The following ADAM12 variants were observed in gnomAD, a reference collection of about 807,000 sequenced individuals.
ADAM12 encodes the protein ADAM metallopeptidase domain 12, also known as disintegrin and metalloproteinase domain-containing protein 12.
In ADAM12, 70 loss-of-function variants were observed where a neutral mutation model predicts 106.4. The observed-to-expected ratio is 0.66, with a 90% CI of 0.54 to 0.80. The LOEUF (loss-of-function observed/expected upper bound fraction) is 0.80, where lower values mean the gene tolerates loss of function less well. Ranked by LOEUF, ADAM12 falls within the 30% of genes least tolerant of loss-of-function variation. The probability of loss-of-function intolerance (pLI) is 0.00; values close to 1 mark genes in which losing one functional copy is unlikely to be tolerated. For missense variants in ADAM12, 1,010 were observed against 1,171.9 expected (o/e 0.86, Z 2.02); for synonymous variants, 420 against 433.5 (o/e 0.97, Z 0.39).
chr10:126,252,877 C>G lies in ADAM12; in HGVS notation c.260+26038G>C, dbSNP rs1329279115. Among the ~76,000 whole-genome samples, 3 of 152,184 alleles carry G rather than the reference C, an allele frequency of 2.0e-5. No homozygotes were observed. The East Asian group carries it at 5.8e-4, about 29-fold the overall frequency. On this transcript the variant is annotated intron_variant, in intron 3 of 22. Transcript: ENST00000448723. ...CTGAGCAGGTTGCCTGGGTGCAGAG[C>G]TGATGCCTTAGCCCTGGCATACTGC...
chr10:126,113,053 G>C (rs1209401741), intron 6 of ADAM12, among the ~76,000 whole-genome samples: 1 of 152,198 alleles, frequency 6.6e-6, no homozygotes, highest in Non-Finnish European at 1.5e-5. Context: ...AAATAAACAG[G>C]GTTCTGCAGG....
At chr10:126,347,503 G>A (rs1417765755) in intron 1 of ADAM12, among the ~76,000 whole-genome samples, 2 of 152,076 alleles carry the variant, frequency 1.3e-5, no homozygotes, top group Admixed American at 6.5e-5. Flanking sequence ...ATGGGTCTTG[G>A]ATTTGCTCTT....
intron 6 of ADAM12, among the ~76,000 whole-genome samples, chr10:126,117,766 C>CGG (rs397953053): frequency 1.1e-4 from 13 of 118,096 alleles, no homozygotes; most frequent in Admixed American, 4.6e-4. Flanking sequence ...GTTGGGGGGG[C>CGG]GTAATTTTGT....
At chr10:126,346,804 C>G (rs376615046) in intron 1 of ADAM12, among the ~76,000 whole-genome samples, 7 of 151,920 alleles carry the variant, frequency 4.6e-5, no homozygotes, top group African/African-American at 9.7e-5. Context: ...TTTGATCTTT[C>G]TTGGTTTAAA....
At chr10:126,201,929 A>AACGTTGT (rs1013861407) in intron 3 of ADAM12, among the ~76,000 whole-genome samples, 1 of 152,186 alleles carries the variant, frequency 6.6e-6, no homozygotes, top group African/African-American at 2.4e-5. Flanking sequence ...CTAGTTCAGC[A>AACGTTGT]ACGTTGTCGT....
intron 3 of ADAM12, among the ~76,000 whole-genome samples, chr10:126,205,189 C>CT (rs776098760): frequency 6.6e-6 from 1 of 152,208 alleles, no homozygotes; most frequent in Non-Finnish European, 1.5e-5. Flanking sequence ...TGATGACACT[C>CT]TGAGCCCCTG....
chr10:126,210,748 G>A (rs1031685139), intron 3 of ADAM12, among the ~76,000 whole-genome samples: 1 of 152,186 alleles, frequency 6.6e-6, no homozygotes, highest in African/African-American at 2.4e-5. Flanking sequence ...GGAGGAGACA[G>A]AGCAGGAGAG....
intron 4 of ADAM12, among the ~76,000 whole-genome samples, chr10:126,137,608 C>A (rs1277897864): frequency 6.6e-6 from 1 of 152,162 alleles, no homozygotes; most frequent in Non-Finnish European, 1.5e-5. Flanking sequence ...TTTGCCCGTT[C>A]TGTTATTTTA....
intron 2 of ADAM12, among the ~76,000 whole-genome samples, chr10:126,327,814 G>A (rs1854357908): frequency 6.6e-6 from 1 of 152,098 alleles, no homozygotes; most frequent in Non-Finnish European, 1.5e-5. Flanking sequence ...AGTTTATGTC[G>A]CTATCTCAGG....
chr10:126,160,714 T>C (rs1036180682), intron 3 of ADAM12, among the ~76,000 whole-genome samples: 1 of 152,190 alleles, frequency 6.6e-6, no homozygotes, highest in Non-Finnish European at 1.5e-5. Flanking sequence ...AGTGTCTTCT[T>C]GTTGGCCCTG....
chr10:126,158,425 C>T (rs1220030558), intron 3 of ADAM12, among the ~76,000 whole-genome samples: 1 of 88,960 alleles, frequency 1.1e-5, no homozygotes, highest in Non-Finnish European at 2.2e-5. Context: ...AGAGGATGCA[C>T]AGAGCACGGG....
chr10:126,133,481 C>T (rs533021772), intron 5 of ADAM12, among the ~76,000 whole-genome samples: 1 of 152,296 alleles, frequency 6.6e-6, no homozygotes, highest in South Asian at 2.1e-4. Context: ...CCACCTTTGA[C>T]CAGGCCTGCC....
chr10:126,125,327 C>T (rs753383144), intron 5 of ADAM12, among the ~76,000 whole-genome samples: 3 of 151,122 alleles, frequency 2.0e-5, no homozygotes, highest in African/African-American at 4.9e-5. Flanking sequence ...TCACTGCAAC[C>T]TCTGACTCCC....
chr10:126,083,558 G>A (rs994016761), intron 11 of ADAM12, among the ~76,000 whole-genome samples: 1 of 152,236 alleles, frequency 6.6e-6, no homozygotes, highest in African/African-American at 2.4e-5. Flanking sequence ...TTCCTTCCAG[G>A]TGTACCTTAG....
At chr10:126,339,518 C>T (rs1384577463) in intron 1 of ADAM12, among the ~76,000 whole-genome samples, 5 of 152,190 alleles carry the variant, frequency 3.3e-5, no homozygotes, top group Admixed American at 3.3e-4. Flanking sequence ...AAAAGATGCT[C>T]CTAGTACTTA....
At chr10:126,327,761 A>T (rs1288794457) in intron 2 of ADAM12, among the ~76,000 whole-genome samples, 1 of 152,228 alleles carries the variant, frequency 6.6e-6, no homozygotes, top group Non-Finnish European at 1.5e-5. Flanking sequence ...ATGATTTGGT[A>T]AGTCATATAA....
At chr10:126,055,954 G>A (rs1954621534) in intron 14 of ADAM12, among the ~76,000 whole-genome samples, 1 of 152,104 alleles carries the variant, frequency 6.6e-6, no homozygotes, top group African/African-American at 2.4e-5. Flanking sequence ...TATGCTTTTT[G>A]TTGCATCTAT....
intron 3 of ADAM12, among the ~76,000 whole-genome samples, chr10:126,191,895 G>T (rs1406974240): frequency 6.6e-6 from 1 of 152,184 alleles, no homozygotes; most frequent in Non-Finnish European, 1.5e-5. Flanking sequence ...ATGGCTGGGA[G>T]GCCTCAGAAA....
At chr10:126,121,133 A>ATATATAGTATATATAG (rs1956091115) in intron 5 of ADAM12, among the ~76,000 whole-genome samples, 1 of 41,340 alleles carries the variant, frequency 2.4e-5, no homozygotes, top group Non-Finnish European at 3.5e-5. Flanking sequence ...TATATATACT[A>ATATATAGTATATATAG]TATACTATAT....
Sources: gnomAD v4.1 joint callset for allele counts (sites outside exome capture counted in the v4.1 genomes callset) on GRCh38, gnomAD v4.1.1 for gene constraint, MANE v1.5 for transcripts, NCBI Gene and HGNC (gene_info 2026-07-23, HGNC 2026-07-21) for gene names.